Variants in C2orf66 observed in about 807,000 individuals in gnomAD.
C2orf66 encodes the protein uncharacterized protein C2orf66.
C2orf66 carries 6 observed loss-of-function variants against 7.0 expected under a neutral mutation model. The observed-to-expected ratio is 0.86, with a 90% CI of 0.47 to 1.69. The LOEUF (loss-of-function observed/expected upper bound fraction) is 1.69, where lower values mean the gene tolerates loss of function less well. Ranked by LOEUF, C2orf66 falls within the 40% of genes most tolerant of loss-of-function variation. The pLI is 0.01. For missense variants in C2orf66, 107 were observed against 112.0 expected (o/e 0.96, Z 0.20); for synonymous variants, 38 against 43.8 (o/e 0.87, Z 0.52).
At chr2:196,817,545 T>C in the C2orf66 span, among the ~76,000 whole-genome samples, 1 of 152,084 alleles carries the variant, frequency 6.6e-6, no homozygotes, top group African/African-American at 2.4e-5. Context: ...GCACGTATTG[T>C]CTTGATAAAC....
chr2:196,829,088 C>T, the C2orf66 span, among the ~76,000 whole-genome samples: 3 of 152,012 alleles, frequency 2.0e-5, no homozygotes, highest in East Asian at 1.9e-4. Flanking sequence ...CATACACACA[C>T]GCACATTTTT....
the C2orf66 span, among the ~76,000 whole-genome samples, chr2:196,815,978 T>C: frequency 1.3e-5 from 2 of 152,206 alleles, no homozygotes; most frequent in African/African-American, 4.8e-5. Flanking sequence ...AAGGGAAAGG[T>C]TGCTCATATG....
rs558800648 is a variant in C2orf66 at position 196,804,957 on chromosome 2, T to C, written c.*471A>G. ...AGTGTATGCTGAACATGGGAATGCA[T>C]CTTCTTTTTAGGAAAGGAAGACAAA... On this transcript the variant is annotated 3_prime_UTR_variant, in exon 3 of 3. Coordinates refer to ENST00000342506, the MANE Select transcript of C2orf66 (RefSeq NM_213608.3). 1 of 152,204 alleles carries C rather than the reference T, an allele frequency of 6.6e-6. No homozygotes were observed. Among genetic ancestry groups the C allele is most frequent in the Non-Finnish European group, 1.5e-5 (1 of 68,040 alleles). The allele number at this position is 152,204 out of a possible 1,614,324, so 9.4% of individuals were successfully genotyped here. A position where few individuals can be genotyped will look rare whatever the true frequency, so the allele number is the denominator to read the frequency against.
chr2:196,827,488 A>ATCC, the C2orf66 span, among the ~76,000 whole-genome samples: 1 of 151,750 alleles, frequency 6.6e-6, no homozygotes, highest in Non-Finnish European at 1.5e-5. Flanking sequence ...CTCCACCCCA[A>ATCC]TCCTGTACAC....
chr2:196,817,913 C>T, the C2orf66 span, among the ~76,000 whole-genome samples: 2 of 152,218 alleles, frequency 1.3e-5, no homozygotes, highest in South Asian at 2.1e-4. Context: ...TCCCTAAAAT[C>T]GCTGTTATTC....
chr2:196,813,514 A>G (rs1416282851), upstream of C2orf66, among the ~76,000 whole-genome samples: 1 of 152,244 alleles, frequency 6.6e-6, no homozygotes, highest in African/African-American at 2.4e-5. Context: ...GGACATAGGC[A>G]TGGGCAAAGA....
the C2orf66 span, among the ~76,000 whole-genome samples, chr2:196,817,683 C>T: frequency 1.3e-5 from 2 of 152,072 alleles, no homozygotes; most frequent in African/African-American, 4.8e-5. Context: ...TATTTCAGTC[C>T]TTATCTCAAC....
intron 2 of C2orf66, among the ~76,000 whole-genome samples, chr2:196,806,834 C>T (rs531419693): frequency 1.3e-5 from 2 of 151,942 alleles, no homozygotes; most frequent in East Asian, 1.9e-4. Flanking sequence ...CCAGCCTGGG[C>T]GACACAGTGA....
In C2orf66 at chr2:196,805,361, A is replaced by G. The variant is rs1268632251; in HGVS notation, c.*67T>C. 1 of 152,182 alleles carries G rather than the reference A, an allele frequency of 6.6e-6. No homozygotes were observed. Among genetic ancestry groups the G allele is most frequent in the East Asian group, 1.9e-4 (1 of 5,204 alleles). 9.4% of individuals were successfully genotyped at this position (152,182 alleles called of 1,614,324 possible). On this transcript the variant is annotated 3_prime_UTR_variant, in exon 3 of 3. Coordinates refer to ENST00000342506, the MANE Select transcript of C2orf66 (RefSeq NM_213608.3). ...AAAGTTTAGCTATGACAATGGTTGA[A>G]TTTTTCTAATGAGAAGCTTCATCTG...
At chr2:196,816,563 G>T in the C2orf66 span, among the ~76,000 whole-genome samples, 1 of 152,118 alleles carries the variant, frequency 6.6e-6, no homozygotes, top group South Asian at 2.1e-4. Flanking sequence ...GAGGGAGGAG[G>T]GCAAGGGTTG....
chr2:196,825,222 CAAAAAAA>C, the C2orf66 span, among the ~76,000 whole-genome samples: 1 of 54,304 alleles, frequency 1.8e-5, no homozygotes, highest in East Asian at 5.8e-4. Flanking sequence ...GACTCTGTCT[CAAAAAAA>C]AAAAAAAAAA....
the C2orf66 span, among the ~76,000 whole-genome samples, chr2:196,829,763 G>A: frequency 1.9e-4 from 29 of 151,964 alleles, no homozygotes; most frequent in African/African-American, 3.6e-4. Flanking sequence ...CGGGCGTGGT[G>A]GCGGGCGCCT....
the C2orf66 span, among the ~76,000 whole-genome samples, chr2:196,828,277 CAA>C: frequency 2.8e-5 from 4 of 143,334 alleles, no homozygotes; most frequent in East Asian, 6.0e-4. Flanking sequence ...CACACACACA[CAA>C]AGCAACCTAG....
chr2:196,814,443 A>G, the C2orf66 span, among the ~76,000 whole-genome samples: 1 of 152,088 alleles, frequency 6.6e-6, no homozygotes, highest in Non-Finnish European at 1.5e-5. Flanking sequence ...GCTGGGGGAG[A>G]GATAGCACTA....
upstream of C2orf66, among the ~76,000 whole-genome samples, chr2:196,812,730 C>A (rs766426818): frequency 3.3e-5 from 5 of 152,188 alleles, no homozygotes; most frequent in Non-Finnish European, 5.9e-5. Flanking sequence ...GCAACTTCAG[C>A]AAAGTCTCAG....
At chr2:196,809,162 C>A in intron 1 of C2orf66, 52 bp downstream of exon 1, 1 of 1,546,494 alleles carries the variant, frequency 6.5e-7, no homozygotes, top group Non-Finnish European at 8.8e-7. Context: ...GTGCGTAAAT[C>A]CAAAGAGGCA....
chr2:196,809,397 TAGTC>T (rs1187655220), upstream of C2orf66: 21 of 1,601,466 alleles, frequency 1.3e-5, no homozygotes, highest in East Asian at 2.2e-5. Context: ...TTGAGAGAGA[TAGTC>T]AGGGAAGAGA....
the C2orf66 span, among the ~76,000 whole-genome samples, chr2:196,822,954 A>G: frequency 6.6e-6 from 1 of 152,098 alleles, no homozygotes; most frequent in Non-Finnish European, 1.5e-5. Context: ...CCCTAAAACA[A>G]AAAAGAATCT....
upstream of C2orf66, among the ~76,000 whole-genome samples, chr2:196,813,931 G>A (rs2125760009): frequency 6.6e-6 from 1 of 152,302 alleles, no homozygotes; most frequent in Admixed American, 6.5e-5. Context: ...AACATATGCT[G>A]GAGAGGATGT....
Sources: allele counts gnomAD v4.1 joint callset (sites outside exome capture counted in the v4.1 genomes callset), GRCh38; gene constraint gnomAD v4.1.1; transcripts MANE v1.5; gene names NCBI Gene and HGNC (gene_info 2026-07-23, HGNC 2026-07-21).